The following BARHL1 variants were observed in gnomAD, a reference collection of about 807,000 sequenced individuals.
BARHL1 encodes barH-like 1 homeobox protein.
A neutral mutation model predicts 20.1 loss-of-function variants in BARHL1; 2 were observed. That is an observed-to-expected ratio of 0.10 (90% CI 0.04 to 0.31). BARHL1 has a LOEUF of 0.31. Ranked by LOEUF, BARHL1 falls within the 10% of genes least tolerant of loss-of-function variation. BARHL1 has a pLI of 1.00. For missense variants in BARHL1, 397 were observed against 454.0 expected (o/e 0.87, Z 1.14); for synonymous variants, 213 against 209.9 (o/e 1.01, Z -0.13).
chr9:132,589,719 C>T lies in BARHL1; in HGVS notation c.*197C>T. ...CGGACCCCGGACTGCGTCTCCCCAGCCCCCCTCGGCGTCCTCTCTCGCGGC... is the reference window on the plus strand; with the variant it reads ...CGGACCCCGGACTGCGTCTCCCCAGTCCCCCTCGGCGTCCTCTCTCGCGGC... On this transcript the variant is annotated 3_prime_UTR_variant, in exon 3 of 3. Transcript: ENST00000263610. 4.3e-6 allele frequency: 3 copies of T among 703,844 alleles called. No homozygotes were observed. The highest frequency in any genetic ancestry group is 5.8e-6 in the Non-Finnish European group (3 of 516,318). 43.6% of individuals were successfully genotyped at this position (703,844 alleles called of 1,614,324 possible).
chr9:132,582,609 T>C lies in BARHL1; in HGVS notation c.-189T>C, dbSNP rs1348262844. On this transcript the variant is annotated 5_prime_UTR_variant, in exon 1 of 3. Transcript: ENST00000263610. ...GCTGCAGAAGACGCACTGAGCCCTT[T>C]TGGATCTAATGCGCAGAGGAGGTTG... 1 of 574,912 alleles carries C rather than the reference T, an allele frequency of 1.7e-6. No homozygotes were observed. Among genetic ancestry groups the C allele is most frequent in the Non-Finnish European group, 3.1e-6 (1 of 325,976 alleles). 35.6% of individuals were successfully genotyped at this position (574,912 alleles called of 1,614,324 possible). A position where few individuals can be genotyped will look rare whatever the true frequency, so the allele number is the denominator to read the frequency against.
At chr9:132,584,616 G>A (rs1830118745) in intron 1 of BARHL1, among the ~76,000 whole-genome samples, 1 of 152,112 alleles carries the variant, frequency 6.6e-6, no homozygotes, top group South Asian at 2.1e-4. Context: ...ACTCCAAACC[G>A]AAATTCATCG....
intron 1 of BARHL1, 128 bp downstream of exon 1, chr9:132,583,391 TG>T: frequency 5.0e-6 from 4 of 793,724 alleles, no homozygotes; most frequent in Non-Finnish European, 7.8e-6. Flanking sequence ...GGTTGAGCAG[TG>T]GTTCTCCTCA....
At chr9:132,586,270 A>C (rs1830143823) in intron 1 of BARHL1, among the ~76,000 whole-genome samples, 1 of 152,218 alleles carries the variant, frequency 6.6e-6, no homozygotes, top group African/African-American at 2.4e-5. Context: ...CGCACAATGA[A>C]ACTCCACCAT....
At chr9:132,588,865 CA>C (rs1830176010) in intron 2 of BARHL1, among the ~76,000 whole-genome samples, 1 of 152,042 alleles carries the variant, frequency 6.6e-6, no homozygotes, top group African/African-American at 2.4e-5. Context: ...CAGGGAGGAG[CA>C]CCCCCTACCC....
rs1313161782 is a variant in BARHL1 at position 132,589,280 on chromosome 9, G to T, written c.742G>T (p.Gly248Cys). The T allele has an allele frequency of 3.7e-6, 6 of 1,613,094 alleles. No individual in the cohort carries two copies. In the African/African-American group the frequency reaches 8.0e-5, roughly 22 times the overall value. ...CGGGTTGGAGCTGCTGGCGGAGGCA[G>T]GCAATTACTCAGCGCTCCAGCGGAT... is the stretch of plus-strand genomic sequence containing the variant. ...AVGLELLAEA[G>C]NYSALQRMFP... is the part of the protein sequence containing the mutation. The change falls in exon 3 of 3, where the codon GGC becomes TGC. Residue 248 changes from glycine (G) to cysteine (C), a missense_variant. Transcript: ENST00000263610.
chr9:132,586,291 A>AC (rs1296667781), intron 1 of BARHL1, among the ~76,000 whole-genome samples: 1 of 152,224 alleles, frequency 6.6e-6, no homozygotes, highest in Non-Finnish European at 1.5e-5. Flanking sequence ...AAAAGAAAAC[A>AC]GAGAAAAAAG....
At chr9:132,583,350 C>A in intron 1 of BARHL1, 87 bp downstream of exon 1, 1 of 1,219,620 alleles carries the variant, frequency 8.2e-7, no homozygotes, top group Non-Finnish European at 1.1e-6. Context: ...GGGACATGCA[C>A]TCGCTCACCT....
rs764037500 is a variant in BARHL1 at position 132,589,379 on chromosome 9, C to T, written c.841C>T (p.Arg281Cys). The T allele has an allele frequency of 1.9e-6, 3 of 1,612,912 alleles. No homozygotes were observed. The highest frequency in any genetic ancestry group is 1.1e-5 in the South Asian group (1 of 91,014). The change falls in exon 3 of 3, where the codon CGC becomes TGC. Residue 281 changes from arginine to cysteine, a missense_variant. Coordinates refer to ENST00000263610, the MANE Select transcript of BARHL1 (RefSeq NM_020064.4). ...LDPGAALYLY[R>C]GPSAPPPALQ... ...CCCCGGCGCGGCGCTCTACCTGTAC[C>T]GCGGCCCCAGCGCGCCGCCGCCTGC...
In BARHL1 at chr9:132,587,233, G is replaced by C. The variant is rs1830153378; in HGVS notation, c.467-96G>C. 3 of 1,212,680 alleles carry C rather than the reference G, an allele frequency of 2.5e-6. No individual in the cohort carries two copies. In the South Asian group the frequency reaches 4.3e-5, roughly 17 times the overall value. The allele number at this position is 1,212,680 out of a possible 1,614,324, so 75.1% of individuals were successfully genotyped here. A position where few individuals can be genotyped will look rare whatever the true frequency, so the allele number is the denominator to read the frequency against. On this transcript the variant is annotated intron_variant, in intron 1 of 2. Coordinates refer to ENST00000263610, the MANE Select transcript of BARHL1 (RefSeq NM_020064.4). This position sits in a 1 kb window ranked among gnomAD's most constrained non-coding sequence, Gnocchi z 5.5. ...GCTTGGGTGTCGCGGAACCACCGCT[G>C]TCGGAAGCCGAGGTTACACAAACGC...
At chr9:132,586,981 G>A (rs1830150947) in intron 1 of BARHL1, among the ~76,000 whole-genome samples, 1 of 152,256 alleles carries the variant, frequency 6.6e-6, no homozygotes, top group African/African-American at 2.4e-5. Flanking sequence ...ACGCTGGCAG[G>A]CTGGGTCCGG....
At position 132,589,747 on chromosome 9, in the gene BARHL1, C is replaced by T. The variant is rs1830187933; in HGVS notation, c.*225C>T. ...CCCTCGGCGTCCTCTCTCGCGGCCGCTCTGTCCGGGAGCCATCCCCACCCG... is the reference window on the plus strand; with the variant it reads ...CCCTCGGCGTCCTCTCTCGCGGCCGTTCTGTCCGGGAGCCATCCCCACCCG... On this transcript the variant is annotated 3_prime_UTR_variant, in exon 3 of 3. Coordinates refer to ENST00000263610, the MANE Select transcript of BARHL1 (RefSeq NM_020064.4). 8 of 535,660 alleles carry T rather than the reference C, an allele frequency of 1.5e-5. No homozygotes were observed. In the South Asian group the frequency reaches 5.5e-4, roughly 37 times the overall value. 33.2% of individuals were successfully genotyped at this position (535,660 alleles called of 1,614,324 possible). A position where few individuals can be genotyped will look rare whatever the true frequency, so the allele number is the denominator to read the frequency against.
chr9:132,585,296 G>C (rs1294088620), intron 1 of BARHL1, among the ~76,000 whole-genome samples: 1 of 152,134 alleles, frequency 6.6e-6, no homozygotes, highest in Non-Finnish European at 1.5e-5. Context: ...CTCAAACGTG[G>C]AGGGGACCTT....
Position 132,589,327 on chromosome 9 carries a change from C to T in BARHL1, c.789C>T (p.Tyr263=), listed in dbSNP as rs1329396965. The part of the protein sequence containing the change: ...LQRMFPSPYF[Y]PQSLVSNLDP... ...GGATGTTCCCGTCGCCTTATTTCTACCCGCAGAGTCTGGTTTCCAACCTGG... is the reference window on the plus strand; with the variant it reads ...GGATGTTCCCGTCGCCTTATTTCTATCCGCAGAGTCTGGTTTCCAACCTGG... The change falls in exon 3 of 3, where the codon TAC becomes TAT. Residue 263 remains tyrosine, a synonymous_variant. Transcript: ENST00000263610. 3.1e-6 allele frequency: 5 copies of T among 1,613,486 alleles called. No individual in the cohort carries two copies. The highest frequency in any genetic ancestry group is 2.7e-5 in the African/African-American group (2 of 74,940).
At position 132,583,126 on chromosome 9, in the gene BARHL1, C is replaced by G. The variant is rs776352028; in HGVS notation, c.329C>G (p.Ala110Gly). ...DILADCKPLA[A>G]CAPYSSSGQP... is the part of the protein sequence containing the mutation. ...CTTGCCGACTGCAAACCACTCGCGG[C>G]CTGTGCACCCTACTCTAGCAGCGGG... The change falls in exon 1 of 3, where the codon GCC becomes GGC. Residue 110 changes from alanine (A) to glycine (G), a missense_variant. Coordinates refer to ENST00000263610, the MANE Select transcript of BARHL1 (RefSeq NM_020064.4). 1.2e-6 allele frequency: 2 copies of G among 1,613,794 alleles called. No homozygotes were observed. The highest frequency in any genetic ancestry group is 2.2e-5 in the South Asian group (2 of 91,086).
chr9:132,587,496 G>T lies in BARHL1; in HGVS notation c.634G>T (p.Ala212Ser). Residue 212 changes from alanine to serine, a missense_variant, in exon 2 of 3, where the codon GCC (alanine) becomes TCC (serine). By Grantham distance (99) the Ala-to-Ser change is moderately conservative. Coordinates refer to ENST00000263610, the MANE Select transcript of BARHL1 (RefSeq NM_020064.4). The surrounding 1 kb of genome is among the most constrained non-coding windows in gnomAD (Gnocchi z 5.5). ...GAGCGTGCAGGACCGCATGGAGCTC[G>T]CCGCCTCGCTCAACCTCACCGACAC... ...YLSVQDRMEL[A>S]ASLNLTDTQV... 6.2e-7 allele frequency: 1 copy of T among 1,612,540 alleles called. No homozygotes were observed. Among genetic ancestry groups the T allele is most frequent in the South Asian group, 1.1e-5 (1 of 90,788 alleles).
At position 132,582,857 on chromosome 9, in the gene BARHL1, C is replaced by G; in HGVS notation, c.60C>G (p.Pro20=). The part of the protein sequence containing the change: ...DSILSHRAGS[P]ALPKGDPLLG... ...TTCTCTCCCACCGCGCGGGCAGCCC[C>G]GCCCTTCCCAAGGGGGACCCCTTGC... The change falls in exon 1 of 3, where the codon CCC becomes CCG. Residue 20 remains proline (P), a synonymous_variant. Transcript: ENST00000263610. 1 of 1,611,002 alleles carries G rather than the reference C, an allele frequency of 6.2e-7. No homozygotes were observed. The highest frequency in any genetic ancestry group is 8.5e-7 in the Non-Finnish European group (1 of 1,178,766).
chr9:132,588,784 T>G (rs1830174866), intron 2 of BARHL1, among the ~76,000 whole-genome samples: 1 of 125,532 alleles, frequency 8.0e-6, no homozygotes, highest in Non-Finnish European at 1.8e-5. Context: ...TCGCATTCCC[T>G]TCCCTGAAGA....
At position 132,585,176 on chromosome 9, in the gene BARHL1, G is replaced by C. The variant is rs370207982; in HGVS notation, c.466+1913G>C. On this transcript the variant is annotated intron_variant, in intron 1 of 2. Transcript: ENST00000263610. ...TCTACATATCGCTTAAATAGGTTTG[G>C]AGCGAAGGGGGTAGAAGGTCTTGCC... is the stretch of plus-strand genomic sequence containing the variant. Among the ~76,000 whole-genome samples, 64 of 152,290 alleles carry C rather than the reference G, an allele frequency of 4.2e-4. 1 individual carries two copies. The South Asian group carries it at 0.012, about 28-fold the overall frequency.
Sources: allele counts gnomAD v4.1 joint callset (sites outside exome capture counted in the v4.1 genomes callset), GRCh38; gene constraint gnomAD v4.1.1; non-coding constraint Gnocchi (gnomAD v3.1); transcripts MANE v1.5; gene names NCBI Gene and HGNC (gene_info 2026-07-23, HGNC 2026-07-21).